The following MAGI1 variants were observed in gnomAD, a reference collection of about 807,000 sequenced individuals.
The protein encoded by MAGI1 is membrane-associated guanylate kinase, WW and PDZ domain-containing protein 1.
A neutral mutation model predicts 139.9 loss-of-function variants in MAGI1; 58 were observed. The observed-to-expected ratio is 0.41, with a 90% CI of 0.34 to 0.52. The LOEUF is 0.52. Among genes scored for constraint, MAGI1 ranks in the 20% least tolerant of loss-of-function variants. The pLI is 0.12. For synonymous variants in MAGI1, 812 were observed against 737.9 expected (o/e 1.10, Z -1.63); for missense variants, 1,874 against 1,901.6 (o/e 0.99, Z 0.27).
Position 66,034,456 on chromosome 3 carries a change from C to G in MAGI1, c.313+3540G>C, listed in dbSNP as rs189683899. ...GAAAAAGAGAATGCCCACGAAGCAT[C>G]AGCTTAGCCAAGCACCTATTATATT... On this transcript the variant is annotated intron_variant, in intron 1 of 22. Coordinates refer to ENST00000402939, the MANE Select transcript of MAGI1 (RefSeq NM_001033057.2). Among the ~76,000 whole-genome samples, 685 of 152,326 alleles carry G rather than the reference C, an allele frequency of 4.5e-3. 10 individuals are homozygous for G. The highest frequency in any genetic ancestry group is 1.7e-3 in the African/African-American group (69 of 41,592).
rs559666929 is a variant in MAGI1, at chr3:65,860,902, G to GAATTCA, written c.313+177088_313+177093dup. 3.5e-3 allele frequency among the ~76,000 whole-genome samples: 528 copies of GAATTCA among 151,750 alleles called. 5 individuals carry two copies. The highest frequency in any genetic ancestry group is 0.012 in the African/African-American group (485 of 41,340). On this transcript the variant is annotated intron_variant, in intron 1 of 22. Transcript: ENST00000402939. ...ACTTCTAGGGTAACATAGAGAATTC[G>GAATTCA]AATTCAAATTCAAATTCAAATACCA... is the stretch of plus-strand genomic sequence containing the variant.
At chr3:65,379,887 C>A (rs1942898412) in intron 16 of MAGI1, among the ~76,000 whole-genome samples, 1 of 152,200 alleles carries the variant, frequency 6.6e-6, no homozygotes, top group Non-Finnish European at 1.5e-5. Flanking sequence ...CCCCATTGCA[C>A]AAAGGGAAGG....
At chr3:65,680,121 C>T (rs1310474726) in intron 1 of MAGI1, among the ~76,000 whole-genome samples, 4 of 152,174 alleles carry the variant, frequency 2.6e-5, no homozygotes, top group Non-Finnish European at 4.4e-5. Context: ...AAAGGCCTTA[C>T]CGCTCTCACT....
At chr3:65,941,752 T>C (rs74793359) in intron 1 of MAGI1, among the ~76,000 whole-genome samples, 5,515 of 152,298 alleles carry the variant, frequency 0.036, 338 homozygotes, top group African/African-American at 0.13. Flanking sequence ...TCCCAATGGC[T>C]TTCAGGCATT....
chr3:65,793,343 A>AATGATAGC (rs1341482940), intron 1 of MAGI1, among the ~76,000 whole-genome samples: 1 of 152,364 alleles, frequency 6.6e-6, no homozygotes, highest in East Asian at 1.9e-4. Flanking sequence ...AACTGTAAAC[A>AATGATAGC]ATGATAGCTA....
At chr3:65,430,179 C>A (rs369863698) in intron 11 of MAGI1, 39 bp from the exon 12 acceptor site, 1 of 1,598,466 alleles carries the variant, frequency 6.3e-7, no homozygotes, top group Non-Finnish European at 8.6e-7. Flanking sequence ...GAAAACAGCA[C>A]CCAGAAAATT....
intron 1 of MAGI1, among the ~76,000 whole-genome samples, chr3:65,881,105 T>G (rs1211163931): frequency 6.6e-6 from 1 of 151,942 alleles, no homozygotes. Context: ...AGGCTGGTCT[T>G]GAACTCCTGA....
chr3:65,806,105 A>C (rs2040837384), intron 1 of MAGI1, among the ~76,000 whole-genome samples: 1 of 152,130 alleles, frequency 6.6e-6, no homozygotes, highest in Non-Finnish European at 1.5e-5. Flanking sequence ...ATAAAATATA[A>C]AGAAATTTTT....
chr3:65,643,616 C>G (rs1338648001), intron 1 of MAGI1, among the ~76,000 whole-genome samples: 1 of 151,988 alleles, frequency 6.6e-6, no homozygotes, highest in Non-Finnish European at 1.5e-5. Context: ...AGAATCAGAG[C>G]TGAAGAACCC....
chr3:65,896,226 C>A lies in MAGI1; in HGVS notation c.313+141770G>T, dbSNP rs141875577. 5.9e-5 allele frequency among the ~76,000 whole-genome samples: 9 copies of A among 152,144 alleles called. No individual in the cohort carries two copies. The East Asian group carries it at 1.7e-3, about 29-fold the overall frequency. ...CTCAGACAAGGAAGAAAACTGAAGT[C>A]CCAGTCAAAACTGAAACCCACCAGC... On this transcript the variant is annotated intron_variant, in intron 1 of 22. Transcript: ENST00000402939.
intron 1 of MAGI1, among the ~76,000 whole-genome samples, chr3:65,770,728 C>T (rs1269964399): frequency 6.6e-6 from 1 of 152,066 alleles, no homozygotes. Context: ...CTCGCTCTGT[C>T]ACCAGGCTGG....
intron 12 of MAGI1, among the ~76,000 whole-genome samples, chr3:65,404,099 A>G (rs1437883366): frequency 2.0e-5 from 3 of 152,192 alleles, no homozygotes; most frequent in African/African-American, 7.2e-5. Flanking sequence ...CAAATGGATA[A>G]TGGGGATATG....
At chr3:65,774,778 T>G (rs2038234884) in intron 1 of MAGI1, among the ~76,000 whole-genome samples, 1 of 152,184 alleles carries the variant, frequency 6.6e-6, no homozygotes, top group Non-Finnish European at 1.5e-5. Context: ...AAGAGCCAAC[T>G]AGTACTGGGC....
chr3:65,737,227 A>C (rs376459110), intron 1 of MAGI1, among the ~76,000 whole-genome samples: 4 of 152,070 alleles, frequency 2.6e-5, no homozygotes, highest in African/African-American at 7.2e-5. Flanking sequence ...GGATGGTCTC[A>C]ATCTCCTGAC....
At chr3:65,688,171 G>A (rs541316686) in intron 1 of MAGI1, 18 of 771,236 alleles carry the variant, frequency 2.3e-5, no homozygotes, top group South Asian at 5.3e-5. Context: ...ACTGACCCCC[G>A]TGAGAGCGGC....
chr3:65,433,298 T>A (rs1250991024), intron 10 of MAGI1, among the ~76,000 whole-genome samples: 1 of 152,098 alleles, frequency 6.6e-6, no homozygotes, highest in Admixed American at 6.6e-5. Flanking sequence ...TTAGAAAACG[T>A]GAAAATGTGC....
intron 1 of MAGI1, among the ~76,000 whole-genome samples, chr3:65,664,919 G>T (rs2086416874): frequency 6.6e-6 from 1 of 152,100 alleles, no homozygotes; most frequent in Non-Finnish European, 1.5e-5. Flanking sequence ...GTTTCTAAGT[G>T]CAAGAAGGCT....
chr3:65,882,771 G>A (rs35780513), intron 1 of MAGI1, among the ~76,000 whole-genome samples: 35,760 of 151,310 alleles, frequency 0.24, 4,420 homozygotes, highest in Middle Eastern at 0.35. Context: ...CATCTCTACA[G>A]AATATCAGAA....
intron 8 of MAGI1, 115 bp downstream of exon 8, chr3:65,442,677 A>G (rs1030963459): frequency 1.0e-5 from 7 of 667,404 alleles, no homozygotes; most frequent in African/African-American, 3.6e-5. Flanking sequence ...TTCATCATAA[A>G]ATTAATATTG....
Sources: allele counts gnomAD v4.1 joint callset (sites outside exome capture counted in the v4.1 genomes callset), GRCh38; gene constraint gnomAD v4.1.1; transcripts MANE v1.5; gene names NCBI Gene and HGNC (gene_info 2026-07-23, HGNC 2026-07-21).